RBFOX3: variants seen among roughly 807,000 people sequenced by gnomAD.
The protein encoded by RBFOX3 is RNA binding protein fox-1 homolog 3.
In RBFOX3, 17 loss-of-function variants were observed where a neutral mutation model predicts 48.7. The ratio of observed to expected loss-of-function variants is 0.35; its 90% CI spans 0.24 to 0.52. The LOEUF is 0.52. Among genes scored for constraint, RBFOX3 ranks in the 20% least tolerant of loss-of-function variants. The probability of loss-of-function intolerance (pLI) is 0.94; values close to 1 mark genes in which losing one functional copy is unlikely to be tolerated. For missense variants in RBFOX3, 382 were observed against 497.5 expected, an observed-to-expected ratio of 0.77 and a Z score of 2.21; for synonymous variants, 212 against 209.5, an observed-to-expected ratio of 1.01 and a Z score of -0.10.
intron 9 of RBFOX3, chr17:79,098,326 C>T (rs1378643148): frequency 6.5e-6 from 1 of 154,128 alleles, no homozygotes; most frequent in Non-Finnish European, 1.4e-5. Flanking sequence ...GGAGGGTGGC[C>T]TGGGAGCAGG....
At position 79,479,291 on chromosome 17, in the gene RBFOX3, G is replaced by A. The variant is rs959333154; in HGVS notation, c.-175+3163C>T. 7.2e-5 allele frequency among the ~76,000 whole-genome samples: 11 copies of A among 152,290 alleles called. No individual in the cohort carries two copies. In the South Asian group the frequency reaches 1.5e-3, roughly 20 times the overall value. On this transcript the variant is annotated intron_variant, in intron 2 of 14. Coordinates refer to ENST00000693108, the MANE Select transcript of RBFOX3 (RefSeq NM_001350451.2). This position sits in a 1 kb window ranked among gnomAD's most constrained non-coding sequence, Gnocchi z 5.1. ...CTGCAGGGAGAACCCAGGAGCTCGCGGGGCAGGAGGGTGTCTACAGGCACA... is the reference window on the plus strand; with the variant it reads ...CTGCAGGGAGAACCCAGGAGCTCGCAGGGCAGGAGGGTGTCTACAGGCACA...
chr17:79,361,755 T>G lies in RBFOX3; in HGVS notation c.-174-53931A>C, dbSNP rs1158178920. On this transcript the variant is annotated intron_variant, in intron 2 of 14. Transcript: ENST00000693108. The surrounding 1 kb of genome is among the most constrained non-coding windows in gnomAD (Gnocchi z 4.5). ...GTGTGCGCTGTGCAGGGGTACCCAG[T>G]GTAACTGCCTGCACTTATTTATTTA... 6.6e-6 allele frequency among the ~76,000 whole-genome samples: 1 copy of G among 152,258 alleles called. No individual in the cohort carries two copies. The highest frequency in any genetic ancestry group is 1.5e-5 in the Non-Finnish European group (1 of 68,042).
intron 4 of RBFOX3, among the ~76,000 whole-genome samples, chr17:79,159,309 C>A (rs979669758): frequency 6.6e-6 from 1 of 152,112 alleles, no homozygotes; most frequent in South Asian, 2.1e-4. Flanking sequence ...CTGGCCCGGG[C>A]GGTTCCTCCT....
intron 4 of RBFOX3, among the ~76,000 whole-genome samples, chr17:79,156,202 T>C (rs1312451962): frequency 2.0e-5 from 3 of 152,188 alleles, no homozygotes; most frequent in African/African-American, 7.2e-5. Flanking sequence ...CAGAGAGATC[T>C]GGCATCCAAG....
chr17:79,101,549 C>A (rs2076435403), intron 9 of RBFOX3, 35 bp downstream of exon 9: 1 of 1,534,786 alleles, frequency 6.5e-7, no homozygotes, highest in African/African-American at 1.4e-5. Context: ...CAGCCAGTGA[C>A]CCCAGCAGCC....
At chr17:79,115,398 C>T (rs1568157881) in intron 5 of RBFOX3, 96 bp downstream of exon 5, 1 of 765,696 alleles carries the variant, frequency 1.3e-6, no homozygotes, top group Non-Finnish European at 1.8e-6. Context: ...CCTCGCCCAC[C>T]TGGTACACCT....
intron 2 of RBFOX3, among the ~76,000 whole-genome samples, chr17:79,315,579 T>C (rs1249069581): frequency 6.6e-6 from 1 of 152,234 alleles, no homozygotes; most frequent in African/African-American, 2.4e-5. Context: ...TGCACCCTGG[T>C]CCTTGCTTTG....
intron 2 of RBFOX3, among the ~76,000 whole-genome samples, chr17:79,316,927 A>G (rs914858858): frequency 6.6e-6 from 1 of 152,232 alleles, no homozygotes; most frequent in African/African-American, 2.4e-5. Flanking sequence ...CCCAGGCTAA[A>G]CACACACAGG....
At position 79,362,047 on chromosome 17, in the gene RBFOX3, TGC is replaced by T. The variant is rs1257384937; in HGVS notation, c.-174-54225_-174-54224del. Among the ~76,000 whole-genome samples, 1 of 152,244 alleles carries T rather than the reference TGC, an allele frequency of 6.6e-6. No homozygotes were observed. The highest frequency in any genetic ancestry group is 1.5e-5 in the Non-Finnish European group (1 of 68,048). On this transcript the variant is annotated intron_variant, in intron 2 of 14. Coordinates refer to ENST00000693108, the MANE Select transcript of RBFOX3 (RefSeq NM_001350451.2). This position sits in a 1 kb window ranked among gnomAD's most constrained non-coding sequence, Gnocchi z 4.2. ...CCTTGGACGAATGTTCCCTGCCTGC[TGC>T]GTATTTACTCAGTCATCAAAGCGCA... is the stretch of plus-strand genomic sequence containing the variant.
At chr17:79,503,665 C>A (rs1243418081) in intron 1 of RBFOX3, among the ~76,000 whole-genome samples, 1 of 152,146 alleles carries the variant, frequency 6.6e-6, no homozygotes, top group Admixed American at 6.5e-5. Context: ...TGAGGGATCC[C>A]TCCGTGTCCT....
intron 3 of RBFOX3, among the ~76,000 whole-genome samples, chr17:79,239,460 C>A (rs1037206453): frequency 6.6e-6 from 1 of 152,196 alleles, no homozygotes; most frequent in African/African-American, 2.4e-5. Context: ...CCGACTTCCC[C>A]AAGTGCACAT....
At chr17:79,592,224 G>A (rs2093441844) in intron 1 of RBFOX3, among the ~76,000 whole-genome samples, 1 of 149,986 alleles carries the variant, frequency 6.7e-6, no homozygotes, top group Non-Finnish European at 1.5e-5. Context: ...TGTGTGTGGG[G>A]TGTGGAGTAT....
intron 2 of RBFOX3, among the ~76,000 whole-genome samples, chr17:79,414,814 A>T (rs577381750): frequency 1.3e-5 from 2 of 152,220 alleles, no homozygotes; most frequent in African/African-American, 4.8e-5. Context: ...TGGGCTTTGT[A>T]GCTCCTTGCT....
chr17:79,420,898 G>A lies in RBFOX3; in HGVS notation c.-175+61556C>T, dbSNP rs1053423016. On this transcript the variant is annotated intron_variant, in intron 2 of 14. Transcript: ENST00000693108. The stretch of plus-strand genomic sequence containing the variant: ...GCTGGTCTGGGGTCTCACGGGATCA[G>A]CTGACCTCTAGAAAGCCTGGAGACT... 3.3e-5 allele frequency among the ~76,000 whole-genome samples: 5 copies of A among 152,212 alleles called. No individual in the cohort carries two copies. The South Asian group carries it at 8.3e-4, about 25-fold the overall frequency.
chr17:79,539,987 C>A (rs1318070831), intron 1 of RBFOX3, among the ~76,000 whole-genome samples: 2 of 152,120 alleles, frequency 1.3e-5, no homozygotes, highest in African/African-American at 4.8e-5. Flanking sequence ...CATTGCATGT[C>A]CTGTGTCTTA....
At chr17:79,492,892 G>A (rs2080898692) in intron 1 of RBFOX3, among the ~76,000 whole-genome samples, 2 of 152,316 alleles carry the variant, frequency 1.3e-5, no homozygotes, top group Admixed American at 6.5e-5. Context: ...CGTGAGGAGG[G>A]AGGAGGAAGA....
At chr17:79,106,468 G>C (rs966263082) in intron 6 of RBFOX3, among the ~76,000 whole-genome samples, 183 bp downstream of exon 6, 1 of 151,842 alleles carries the variant, frequency 6.6e-6, no homozygotes, top group Non-Finnish European at 1.5e-5. Context: ...GTCCCAGCAG[G>C]TTCAGGTCAG....
rs1387472468 is a variant in RBFOX3, at chr17:79,311,317, C to T, written c.-174-3493G>A. Among the ~76,000 whole-genome samples, 1 of 151,782 alleles carries T rather than the reference C, an allele frequency of 6.6e-6. No individual in the cohort carries two copies. The highest frequency in any genetic ancestry group is 1.5e-5 in the Non-Finnish European group (1 of 67,998). ...GCATGTTGGTGGGCACCTGTAGTTC[C>T]AGCTACCCAGGAGGCTGAGGCAGGA... is the stretch of plus-strand genomic sequence containing the variant. On this transcript the variant is annotated intron_variant, in intron 2 of 14. Coordinates refer to ENST00000693108, the MANE Select transcript of RBFOX3 (RefSeq NM_001350451.2). This position sits in a 1 kb window ranked among gnomAD's most constrained non-coding sequence, Gnocchi z 4.2.
At chr17:79,545,012 C>T (rs1435853908) in intron 1 of RBFOX3, among the ~76,000 whole-genome samples, 2 of 145,236 alleles carry the variant, frequency 1.4e-5, no homozygotes, top group African/African-American at 5.0e-5. Context: ...AAAGAGAAAG[C>T]TCGCTCCTAC....
Sources: gnomAD v4.1 joint callset for allele counts (sites outside exome capture counted in the v4.1 genomes callset) on GRCh38, gnomAD v4.1.1 for gene constraint, Gnocchi (gnomAD v3.1) non-coding constraint, MANE v1.5 for transcripts, NCBI Gene and HGNC (gene_info 2026-07-23, HGNC 2026-07-21) for gene names.